The following CEP89 variants were observed in gnomAD, a reference collection of about 807,000 sequenced individuals.
CEP89 encodes the protein centrosomal protein 89.
A neutral mutation model predicts 97.6 loss-of-function variants in CEP89; 95 were observed. The observed-to-expected ratio is 0.97, with a 90% CI of 0.82 to 1.15. CEP89 has a LOEUF of 1.15. CEP89 is among the 50% of genes most tolerant of loss of function. CEP89 has a pLI of 0.00. For missense variants in CEP89, 869 were observed against 947.7 expected (o/e 0.92, Z 1.09); for synonymous variants, 354 against 349.1 (o/e 1.01, Z -0.16).
chr19:32,943,185 C>T (rs559113703), intron 5 of CEP89, among the ~76,000 whole-genome samples: 3 of 152,272 alleles, frequency 2.0e-5, no homozygotes, highest in East Asian at 1.9e-4. Flanking sequence ...TTTGTAGAAA[C>T]GGGGTCTCCC....
rs559268313 is a variant in CEP89 at position 32,946,930 on chromosome 19, T to C, written c.595+1336A>G. Among the ~76,000 whole-genome samples the C allele has an allele frequency of 1.8e-3, 238 of 131,168 alleles. 1 individual carries two copies. Among genetic ancestry groups the C allele is most frequent in the Non-Finnish European group, 3.0e-3 (181 of 60,010 alleles). The allele number at this position is 131,168 out of a possible 152,430, so 86.1% of individuals were successfully genotyped here. On this transcript the variant is annotated intron_variant, in intron 5 of 18. Coordinates refer to ENST00000305768, the MANE Select transcript of CEP89 (RefSeq NM_032816.5). ...CGGACTAATGCACTTTATATATTTATGTATTTTTTTTACAGTGAGACAGTA... is the reference window on the plus strand; with the variant it reads ...CGGACTAATGCACTTTATATATTTACGTATTTTTTTTACAGTGAGACAGTA...
chr19:32,903,895 C>G (rs979142133), intron 14 of CEP89, among the ~76,000 whole-genome samples: 16 of 152,278 alleles, frequency 1.1e-4, no homozygotes, highest in South Asian at 4.1e-4. Flanking sequence ...GTGTGGGGTC[C>G]CCCACTGTAA....
At chr19:32,905,614 G>A (rs1336747760) in intron 14 of CEP89, among the ~76,000 whole-genome samples, 1 of 152,064 alleles carries the variant, frequency 6.6e-6, no homozygotes. Flanking sequence ...ATTTTCAAAT[G>A]TATTGACATA....
chr19:32,918,303 C>T lies in CEP89; in HGVS notation c.1305G>A (p.Glu435=), dbSNP rs574990531. 3.0e-5 allele frequency: 49 copies of T among 1,614,142 alleles called. No individual in the cohort carries two copies. Among genetic ancestry groups the T allele is most frequent in the Non-Finnish European group, 4.1e-5 (48 of 1,180,026 alleles). The change falls in exon 13 of 19, where the codon GAG becomes GAA. Residue 435 remains glutamate (E), a synonymous_variant. Transcript: ENST00000305768. ...ACTGCTCCAGCAACAACTTGTTTTC[C>T]TCTAAAACCAGTTTTGCTTGAGTCT... is the stretch of plus-strand genomic sequence containing the variant. ...QLQTQAKLVL[E]ENKLLLEQLE... is the part of the protein sequence containing the mutation.
At chr19:32,952,077 T>A (rs544738187) in intron 4 of CEP89, among the ~76,000 whole-genome samples, 1 of 152,264 alleles carries the variant, frequency 6.6e-6, no homozygotes, top group Non-Finnish European at 1.5e-5. Context: ...CTGCTTGCTA[T>A]GAGAAGCCTA....
intron 6 of CEP89, 38 bp downstream of exon 6, chr19:32,939,819 T>C (rs762960204): frequency 1.1e-6 from 1 of 949,842 alleles, no homozygotes. Context: ...AAAACTCTAT[T>C]TATTGAGAAA....
At chr19:32,922,352 G>C (rs1482114229) in intron 12 of CEP89, among the ~76,000 whole-genome samples, 5 of 151,918 alleles carry the variant, frequency 3.3e-5, no homozygotes, top group African/African-American at 1.2e-4. Context: ...GACCAGCTTG[G>C]GTAACCCAGT....
At position 32,923,486 on chromosome 19, in the gene CEP89, T is replaced by C. The variant is rs17599843; in HGVS notation, c.1221A>G (p.Glu407=). The C allele has an allele frequency of 7.3e-3, 11,688 of 1,609,770 alleles. 90 individuals are homozygous for C. The highest frequency in any genetic ancestry group is 0.026 in the South Asian group (2,321 of 90,688). The change falls in exon 12 of 19, where the codon GAA becomes GAG. Residue 407 remains glutamate (E), a synonymous_variant. Transcript: ENST00000305768. ...TACTCTTATTTAACTCTTGGTGCAA[T>C]TCTTCATTTTCTTTCACCACTTCTT... is the stretch of plus-strand genomic sequence containing the variant. ...RVQEVVKENE[E]LHQELNKSSA... is the part of the protein sequence containing the mutation.
chr19:32,923,241 GA>G (rs1266587963), intron 12 of CEP89, among the ~76,000 whole-genome samples, 197 bp downstream of exon 12: 1 of 152,138 alleles, frequency 6.6e-6, no homozygotes, highest in East Asian at 1.9e-4. Flanking sequence ...AACCTACTTA[GA>G]ATTTTAAAAG....
At chr19:32,938,706 TAGG>T (rs1222497343) in intron 6 of CEP89, among the ~76,000 whole-genome samples, 3 of 152,034 alleles carry the variant, frequency 2.0e-5, no homozygotes, top group Admixed American at 6.5e-5. Context: ...CCCAGCACTT[TAGG>T]AGCCCGAGGC....
intron 2 of CEP89, among the ~76,000 whole-genome samples, chr19:32,961,107 T>C (rs1971157934): frequency 6.6e-6 from 1 of 152,120 alleles, no homozygotes; most frequent in South Asian, 2.1e-4. Flanking sequence ...AGAGGAGCAG[T>C]GCCAGGTGCT....
Position 32,957,364 on chromosome 19 carries a change from T to C in CEP89, c.305+2536A>G, listed in dbSNP as rs1341826749. 4.6e-5 allele frequency among the ~76,000 whole-genome samples: 7 copies of C among 152,232 alleles called. No individual in the cohort carries two copies. In the East Asian group the frequency reaches 1.4e-3, roughly 29 times the overall value. On this transcript the variant is annotated intron_variant, in intron 3 of 18. Transcript: ENST00000305768. ...TGGTTGTGGATTTAATCGGAAATAG[T>C]TCTTGAAATTGAGTGTATGTGCGTG...
rs763005113 is a variant in CEP89 at position 32,926,946 on chromosome 19, T to A, written c.1068A>T (p.Ile356=). ...AACTTTCACTTACCAACCAGGGTGG[T>A]ATAGGGCCCTTGGATGGGAGGCCTT... ...NIEGLPSKGP[I]PPWLLDIKYL... is the part of the protein sequence containing the mutation. Residue 356 remains isoleucine, a synonymous_variant, in exon 10 of 19, where the codon ATA becomes ATT. Coordinates refer to ENST00000305768, the MANE Select transcript of CEP89 (RefSeq NM_032816.5). 2 of 1,613,584 alleles carry A rather than the reference T, an allele frequency of 1.2e-6. No individual in the cohort carries two copies. Among genetic ancestry groups the A allele is most frequent in the Non-Finnish European group, 1.7e-6 (2 of 1,179,662 alleles).
chr19:32,932,375 T>C (rs796283544), intron 8 of CEP89, among the ~76,000 whole-genome samples: 17 of 152,174 alleles, frequency 1.1e-4, no homozygotes, highest in African/African-American at 3.9e-4. Context: ...AGGGTCTATG[T>C]GAAAAAAACT....
chr19:32,970,560 A>C (rs1003440312), intron 1 of CEP89: 1 of 152,160 alleles, frequency 6.6e-6, no homozygotes, highest in Non-Finnish European at 1.5e-5. Flanking sequence ...GCAGTGGCAC[A>C]ATCTTGGCTC....
At chr19:32,897,317 C>G (rs1969664341) in intron 16 of CEP89, among the ~76,000 whole-genome samples, 1 of 152,122 alleles carries the variant, frequency 6.6e-6, no homozygotes, top group Non-Finnish European at 1.5e-5. Flanking sequence ...GAAGATATAA[C>G]AGTCATGGGG....
chr19:32,881,944 A>C lies in CEP89; in HGVS notation c.2035T>G (p.Phe679Val). The C allele has an allele frequency of 6.3e-7, 1 of 1,598,804 alleles. No homozygotes were observed. The highest frequency in any genetic ancestry group is 8.5e-7 in the Non-Finnish European group (1 of 1,173,436). The change falls in exon 18 of 19, where the codon TTC becomes GTC. Residue 679 changes from phenylalanine to valine, a missense_variant. By Grantham distance (50) the Phe-to-Val change is conservative. Transcript: ENST00000305768. ...CGGTACTGGGCTGTCTTGCCGGCGA[A>C]GTCCTCCTGCTGCTCCAGCAGACGG... ...SHRLLEQQEDFAGKTAQYRQE... is the reference protein window; with the variant it reads ...SHRLLEQQEDVAGKTAQYRQE...
chr19:32,923,886 T>C (rs952958339), intron 11 of CEP89, among the ~76,000 whole-genome samples: 2 of 152,192 alleles, frequency 1.3e-5, no homozygotes, highest in Admixed American at 1.3e-4. Flanking sequence ...TTTCCTTTGT[T>C]TGAAGATGCA....
chr19:32,919,678 A>G (rs947806536), intron 12 of CEP89, among the ~76,000 whole-genome samples: 6 of 152,062 alleles, frequency 3.9e-5, no homozygotes, highest in African/African-American at 1.4e-4. Flanking sequence ...AGACTTATTT[A>G]TTTAGAGATA....
Sources: gnomAD v4.1 joint callset for allele counts (sites outside exome capture counted in the v4.1 genomes callset) on GRCh38, gnomAD v4.1.1 for gene constraint, MANE v1.5 for transcripts, NCBI Gene and HGNC (gene_info 2026-07-23, HGNC 2026-07-21) for gene names.